The following LRMDA variants were observed in gnomAD, a reference collection of about 807,000 sequenced individuals.
LRMDA encodes leucine rich melanocyte differentiation associated, also known as leucine-rich melanocyte differentiation-associated protein.
LRMDA carries 18 observed loss-of-function variants against 29.8 expected under a neutral mutation model. That is an observed-to-expected ratio of 0.60 (90% CI 0.42 to 0.90). The LOEUF (loss-of-function observed/expected upper bound fraction) is 0.90, where lower values mean the gene tolerates loss of function less well. Ranked by LOEUF, LRMDA falls within the 40% of genes least tolerant of loss-of-function variation. LRMDA has a pLI of 0.00. For synonymous variants in LRMDA, 125 were observed against 109.4 expected (o/e 1.14, Z -0.89); for missense variants, 273 against 273.9 (o/e 1.00, Z 0.02).
At chr10:75,920,968 T>C in intron 2 of LRMDA, among the ~76,000 whole-genome samples, 1 of 152,220 alleles carries the variant, frequency 6.6e-6, no homozygotes, top group African/African-American at 2.4e-5. Context: ...TCTCATTTTG[T>C]ATGTGGTCTG....
intron 2 of LRMDA, among the ~76,000 whole-genome samples, chr10:75,816,934 T>C (rs902185215): frequency 2.6e-5 from 4 of 152,214 alleles, no homozygotes; most frequent in African/African-American, 7.2e-5. Flanking sequence ...GGCCATGATA[T>C]AGTACCTGAG....
intron 5 of LRMDA, among the ~76,000 whole-genome samples, chr10:76,253,002 G>A (rs947341504): frequency 1.3e-5 from 2 of 152,148 alleles, no homozygotes; most frequent in Non-Finnish European, 2.9e-5. Context: ...GTGTATGAGC[G>A]GGGCAACTTC....
At chr10:75,584,119 C>G (rs1055380512) in intron 2 of LRMDA, among the ~76,000 whole-genome samples, 2 of 152,192 alleles carry the variant, frequency 1.3e-5, no homozygotes, top group Admixed American at 1.3e-4. Flanking sequence ...ACAATATGGG[C>G]TGCTTTTTCC....
At chr10:75,746,384 TTTTCG>T (rs1260603911) in intron 2 of LRMDA, among the ~76,000 whole-genome samples, 1 of 152,236 alleles carries the variant, frequency 6.6e-6, no homozygotes, top group Non-Finnish European at 1.5e-5. Context: ...CTTAAAATTG[TTTTCG>T]TTCAAACTAC....
intron 2 of LRMDA, among the ~76,000 whole-genome samples, chr10:75,942,449 C>T (rs1435644642): frequency 6.6e-6 from 1 of 152,128 alleles, no homozygotes; most frequent in East Asian, 1.9e-4. Context: ...GGCTTATAAT[C>T]AAGCTTATGC....
intron 2 of LRMDA, among the ~76,000 whole-genome samples, chr10:75,902,203 C>G (rs1361500971): frequency 6.6e-6 from 1 of 152,138 alleles, no homozygotes; most frequent in African/African-American, 2.4e-5. Flanking sequence ...GGTGCATGCC[C>G]GTGGCACCAT....
chr10:76,166,768 T>A (rs943620259), intron 5 of LRMDA, among the ~76,000 whole-genome samples: 1 of 152,204 alleles, frequency 6.6e-6, no homozygotes, highest in East Asian at 1.9e-4. Flanking sequence ...TGAATAGTGC[T>A]GCAGTGAACA....
intron 5 of LRMDA, among the ~76,000 whole-genome samples, chr10:76,279,747 A>AT (rs1222118888): frequency 6.6e-6 from 1 of 152,024 alleles, no homozygotes; most frequent in African/African-American, 2.4e-5. Context: ...GGGTTTCACC[A>AT]TGTTGGCCAG....
At chr10:76,196,672 C>T (rs1851336864) in intron 5 of LRMDA, among the ~76,000 whole-genome samples, 1 of 152,224 alleles carries the variant, frequency 6.6e-6, no homozygotes, top group Admixed American at 6.5e-5. Flanking sequence ...CTCCAGTTGA[C>T]CTCTCTGTGA....
intron 5 of LRMDA, among the ~76,000 whole-genome samples, chr10:76,224,471 C>CTA (rs1851912402): frequency 6.6e-6 from 1 of 151,776 alleles, no homozygotes; most frequent in African/African-American, 2.4e-5. Flanking sequence ...ACTCAGGAGG[C>CTA]TATAGTAGGA....
At chr10:76,125,700 T>C (rs1470457799) in intron 5 of LRMDA, among the ~76,000 whole-genome samples, 2 of 152,186 alleles carry the variant, frequency 1.3e-5, no homozygotes, top group African/African-American at 4.8e-5. Flanking sequence ...TCTGGGTTTC[T>C]GGTGACTGTG....
intron 2 of LRMDA, among the ~76,000 whole-genome samples, chr10:75,633,023 G>A (rs965213396): frequency 7.2e-5 from 11 of 152,070 alleles, no homozygotes; most frequent in African/African-American, 2.4e-4. Context: ...GCTTGAGCGT[G>A]TGTTTGAGAG....
At chr10:75,750,779 C>T (rs979560968) in intron 2 of LRMDA, among the ~76,000 whole-genome samples, 2 of 151,692 alleles carry the variant, frequency 1.3e-5, no homozygotes, top group Non-Finnish European at 2.9e-5. Flanking sequence ...AGAGACGCTC[C>T]TCACTTCCCA....
intron 2 of LRMDA, among the ~76,000 whole-genome samples, chr10:76,005,526 G>A (rs1022114724): frequency 2.0e-5 from 3 of 152,116 alleles, no homozygotes; most frequent in Admixed American, 6.6e-5. Flanking sequence ...GACGGGAGGA[G>A]CACTTGAGCC....
chr10:75,758,163 C>T (rs1434766612), intron 2 of LRMDA, among the ~76,000 whole-genome samples: 2 of 152,182 alleles, frequency 1.3e-5, no homozygotes, highest in African/African-American at 4.8e-5. Context: ...CCTTCTGAAG[C>T]CGGTGTCCTA....
intron 5 of LRMDA, among the ~76,000 whole-genome samples, chr10:76,228,263 G>T (rs1321995106): frequency 6.6e-6 from 1 of 151,958 alleles, no homozygotes; most frequent in Non-Finnish European, 1.5e-5. Flanking sequence ...CTTGTGATCT[G>T]CCCACCTCAG....
intron 5 of LRMDA, among the ~76,000 whole-genome samples, chr10:76,230,953 G>C (rs995862296): frequency 6.6e-6 from 1 of 152,128 alleles, no homozygotes; most frequent in Non-Finnish European, 1.5e-5. Context: ...ACAGCTAGAG[G>C]CAATCCAGTG....
At chr10:76,207,841 G>A (rs572338216) in intron 5 of LRMDA, among the ~76,000 whole-genome samples, 2 of 152,232 alleles carry the variant, frequency 1.3e-5, no homozygotes, top group Non-Finnish European at 2.9e-5. Context: ...GCACATACCT[G>A]TAATCCCAGC....
chr10:76,351,231 A>G (rs1028064911), intron 6 of LRMDA, among the ~76,000 whole-genome samples: 6 of 152,182 alleles, frequency 3.9e-5, no homozygotes, highest in African/African-American at 9.6e-5. Context: ...ACAGCCATAC[A>G]TGGCTGCAGA....
Sources: allele counts gnomAD v4.1 joint callset (sites outside exome capture counted in the v4.1 genomes callset), GRCh38; gene constraint gnomAD v4.1.1; transcripts MANE v1.5; gene names NCBI Gene and HGNC (gene_info 2026-07-23, HGNC 2026-07-21).